SERGEF: variants seen among roughly 807,000 people sequenced by gnomAD.
SERGEF encodes the protein secretion regulating guanine nucleotide exchange factor, also known as secretion-regulating guanine nucleotide exchange factor.
Under a neutral mutation model 50.0 loss-of-function variants are expected in SERGEF, and 51 were observed. The ratio of observed to expected loss-of-function variants is 1.02; its 90% CI spans 0.81 to 1.29. The LOEUF (loss-of-function observed/expected upper bound fraction) is 1.29. Ranked by LOEUF, SERGEF falls within the 50% of genes most tolerant of loss-of-function variation. SERGEF has a pLI of 0.00. For missense variants in SERGEF, 521 were observed against 557.0 expected, an observed-to-expected ratio of 0.94 and a Z score of 0.65; for synonymous variants, 205 against 212.4, an observed-to-expected ratio of 0.97 and a Z score of 0.30.
chr11:17,914,551 T>A (rs1266436238), intron 9 of SERGEF, among the ~76,000 whole-genome samples: 1 of 152,198 alleles, frequency 6.6e-6, no homozygotes, highest in Non-Finnish European at 1.5e-5. Context: ...TCTGAGTAGC[T>A]GAGACTACAG....
rs376707871 is a variant in SERGEF at position 17,823,709 on chromosome 11, T to C, written c.1049-35296A>G. 7.9e-5 allele frequency among the ~76,000 whole-genome samples: 12 copies of C among 152,274 alleles called. No homozygotes were observed. In the East Asian group the frequency reaches 2.1e-3, roughly 27 times the overall value. Reference sequence around the variant, plus strand: ...CCTCTCATCACCTTGCTTAGGGCACTCAGGGTACTGCTCAGGTGCTGAGAA... The same window carrying C: ...CCTCTCATCACCTTGCTTAGGGCACCCAGGGTACTGCTCAGGTGCTGAGAA... On this transcript the variant is annotated intron_variant, in intron 10 of 10. Coordinates refer to ENST00000265965, the MANE Select transcript of SERGEF (RefSeq NM_012139.4).
At chr11:17,799,085 A>G (rs2133823936) in intron 10 of SERGEF, among the ~76,000 whole-genome samples, 1 of 151,936 alleles carries the variant, frequency 6.6e-6, no homozygotes, top group East Asian at 1.9e-4. Context: ...TCCTGGTGAT[A>G]CCTCCTCCCT....
chr11:17,815,931 C>T (rs1195183725), intron 10 of SERGEF, among the ~76,000 whole-genome samples: 2 of 152,108 alleles, frequency 1.3e-5, no homozygotes, highest in Non-Finnish European at 2.9e-5. Flanking sequence ...ATAACAACAA[C>T]AAACAAACAA....
At chr11:17,934,061 G>A (rs1852404134) in intron 9 of SERGEF, among the ~76,000 whole-genome samples, 1 of 151,964 alleles carries the variant, frequency 6.6e-6, no homozygotes, top group Non-Finnish European at 1.5e-5. Flanking sequence ...GGCTCAAGTG[G>A]TTCTCAGAAT....
chr11:17,840,071 A>G (rs1331902113), intron 10 of SERGEF, among the ~76,000 whole-genome samples: 1 of 152,214 alleles, frequency 6.6e-6, no homozygotes, highest in East Asian at 1.9e-4. Flanking sequence ...CCCACCTGAC[A>G]TGTGGTCACC....
At chr11:17,809,919 C>T (rs187416258) in intron 10 of SERGEF, among the ~76,000 whole-genome samples, 2 of 152,296 alleles carry the variant, frequency 1.3e-5, no homozygotes, top group African/African-American at 4.8e-5. Context: ...TGGGGAGGAA[C>T]AGACCATGAA....
intron 9 of SERGEF, among the ~76,000 whole-genome samples, chr11:17,889,440 A>G (rs509688): frequency 4.6e-5 from 7 of 152,036 alleles, no homozygotes; most frequent in Admixed American, 1.3e-4. Flanking sequence ...GTGAAATCCA[A>G]TCATGAGGAA....
At chr11:17,964,925 C>A (rs529187670) in intron 8 of SERGEF, among the ~76,000 whole-genome samples, 62 of 152,334 alleles carry the variant, frequency 4.1e-4, no homozygotes, top group Admixed American at 9.8e-4. Flanking sequence ...CAAGAATCAC[C>A]TAGCATCATC....
At chr11:18,002,550 C>A (rs1396761197) in intron 4 of SERGEF, among the ~76,000 whole-genome samples, 1 of 152,224 alleles carries the variant, frequency 6.6e-6, no homozygotes, top group Non-Finnish European at 1.5e-5. Flanking sequence ...CCACTCTGAG[C>A]ATCCTCCTAT....
At chr11:17,789,310 T>C (rs114621491) in intron 10 of SERGEF, among the ~76,000 whole-genome samples, 89 of 152,360 alleles carry the variant, frequency 5.8e-4, no homozygotes, top group African/African-American at 2.1e-3. Context: ...TGTCCCCTCT[T>C]CACTAGACTG....
intron 9 of SERGEF, among the ~76,000 whole-genome samples, chr11:17,920,765 A>G (rs1251836128): frequency 6.6e-6 from 1 of 152,236 alleles, no homozygotes; most frequent in African/African-American, 2.4e-5. Flanking sequence ...GAGCAGGTCT[A>G]CGTATGCATA....
At chr11:17,974,889 C>T (rs867235118) in intron 8 of SERGEF, among the ~76,000 whole-genome samples, 2 of 152,146 alleles carry the variant, frequency 1.3e-5, no homozygotes, top group Non-Finnish European at 2.9e-5. Context: ...TATTTGTGGG[C>T]TTAATGGAGA....
intron 7 of SERGEF, among the ~76,000 whole-genome samples, chr11:17,992,506 T>C (rs1322733589): frequency 1.3e-5 from 2 of 152,178 alleles, no homozygotes; most frequent in African/African-American, 2.4e-5. Flanking sequence ...CTCATAATCG[T>C]AGGTATATCA....
In SERGEF at chr11:17,828,045, ATGG is replaced by A. The variant is rs572212933; in HGVS notation, c.1049-39635_1049-39633del. On this transcript the variant is annotated intron_variant, in intron 10 of 10. Transcript: ENST00000265965. ...TGCAACAGAACTCTATTCTGCATGG[ATGG>A]TGTTACCTGCAGCTGCAAGTTCCAC... is the stretch of plus-strand genomic sequence containing the variant. Among the ~76,000 whole-genome samples the A allele has an allele frequency of 3.7e-4, 57 of 152,330 alleles. No individual in the cohort carries two copies. The South Asian group carries it at 0.012, about 31-fold the overall frequency.
At chr11:17,830,558 G>A (rs1019569282) in intron 10 of SERGEF, among the ~76,000 whole-genome samples, 1 of 150,812 alleles carries the variant, frequency 6.6e-6, no homozygotes, top group East Asian at 2.0e-4. Flanking sequence ...GAGAGGGAGA[G>A]AGAGAGGAAG....
Position 18,008,047 on chromosome 11 carries a change from G to A in SERGEF, c.90C>T (p.Leu30=), listed in dbSNP as rs992382166. Residue 30 remains leucine, a synonymous_variant, in exon 2 of 11, where the codon CTC becomes CTT. Transcript: ENST00000265965. ...GCAACAGCACATCTTCCTTATGGCC[G>A]AGGCCAAGTTGCCCATAGCTATTTG... is the stretch of plus-strand genomic sequence containing the variant. ...WGANSYGQLG[L]GHKEDVLLPQ... 14 of 1,613,930 alleles carry A rather than the reference G, an allele frequency of 8.7e-6. No individual in the cohort carries two copies. Among genetic ancestry groups the A allele is most frequent in the African/African-American group, 5.3e-5 (4 of 74,908 alleles).
intron 10 of SERGEF, among the ~76,000 whole-genome samples, chr11:17,839,603 A>G (rs561902702): frequency 8.5e-5 from 13 of 152,312 alleles, no homozygotes; most frequent in Non-Finnish European, 1.9e-4. Flanking sequence ...CCAGGCTGCC[A>G]GTGAGCTGAC....
chr11:18,012,296 C>T (rs1426327600), intron 1 of SERGEF, among the ~76,000 whole-genome samples: 1 of 152,208 alleles, frequency 6.6e-6, no homozygotes, highest in Middle Eastern at 3.2e-3. Flanking sequence ...TGTTCCCGTG[C>T]ATGCTGGTCG....
intron 8 of SERGEF, among the ~76,000 whole-genome samples, chr11:17,962,118 T>C (rs898504437): frequency 3.9e-5 from 6 of 152,212 alleles, no homozygotes; most frequent in African/African-American, 7.2e-5. Flanking sequence ...TCTCCAATGA[T>C]TGCACAGCTG....
Sources: allele counts gnomAD v4.1 joint callset (sites outside exome capture counted in the v4.1 genomes callset), GRCh38; gene constraint gnomAD v4.1.1; transcripts MANE v1.5; gene names NCBI Gene and HGNC (gene_info 2026-07-23, HGNC 2026-07-21).